Variants in HYCC2 observed in about 807,000 individuals in gnomAD.
HYCC2 encodes the protein hyccin 2.
chr2:201,028,880 A>T, the HYCC2 span, among the ~76,000 whole-genome samples: 2 of 152,218 alleles, frequency 1.3e-5, no homozygotes, highest in East Asian at 3.8e-4. Context: ...AACCTAGGCA[A>T]TACCATTCAG....
the HYCC2 span, among the ~76,000 whole-genome samples, chr2:201,035,730 G>A: frequency 6.6e-6 from 1 of 152,112 alleles, no homozygotes; most frequent in Non-Finnish European, 1.5e-5. Flanking sequence ...CATCTTTGTG[G>A]TTTTATCTAC....
the HYCC2 span, among the ~76,000 whole-genome samples, chr2:201,036,876 G>C: frequency 6.6e-6 from 1 of 152,208 alleles, no homozygotes; most frequent in Non-Finnish European, 1.5e-5. Context: ...ATTCAACATA[G>C]TGTTGGAAGT....
the HYCC2 span, chr2:200,992,379 G>C: frequency 6.5e-7 from 1 of 1,533,806 alleles, no homozygotes. Context: ...CTATGAAGAA[G>C]CAGATCATTT....
the HYCC2 span, among the ~76,000 whole-genome samples, chr2:201,015,273 C>T: frequency 6.6e-6 from 1 of 152,264 alleles, no homozygotes; most frequent in African/African-American, 2.4e-5. Flanking sequence ...ACCTTGCTTC[C>T]TACAGTCTTT....
At chr2:201,037,483 T>C in the HYCC2 span, among the ~76,000 whole-genome samples, 1 of 152,170 alleles carries the variant, frequency 6.6e-6, no homozygotes, top group Non-Finnish European at 1.5e-5. Flanking sequence ...ACTACCTGAC[T>C]TCAAACTATA....
At chr2:201,022,632 G>A in the HYCC2 span, 2 of 423,708 alleles carry the variant, frequency 4.7e-6, no homozygotes, top group Non-Finnish European at 8.4e-6. Context: ...CACTCAACAG[G>A]AAAAAATTTG....
the HYCC2 span, chr2:201,067,101 G>T: frequency 3.8e-6 from 1 of 263,306 alleles, no homozygotes; most frequent in South Asian, 4.9e-5. Context: ...TCAAGACCCT[G>T]ATCAGACCTG....
chr2:201,068,259 C>T, the HYCC2 span, among the ~76,000 whole-genome samples: 138 of 151,920 alleles, frequency 9.1e-4, no homozygotes, highest in African/African-American at 3.2e-3. Context: ...TGCACTCCAG[C>T]CAGGGCAACA....
the HYCC2 span, among the ~76,000 whole-genome samples, chr2:201,023,283 A>T: frequency 6.6e-6 from 1 of 151,896 alleles, no homozygotes; most frequent in Non-Finnish European, 1.5e-5. Flanking sequence ...TGGGAGGTGG[A>T]GGTTGCAGTG....
chr2:201,004,613 T>A, the HYCC2 span, among the ~76,000 whole-genome samples: 2 of 152,186 alleles, frequency 1.3e-5, no homozygotes, highest in Non-Finnish European at 2.9e-5. Flanking sequence ...AGGTTTTGCT[T>A]ATCAGATTGT....
At chr2:201,055,955 G>A in the HYCC2 span, among the ~76,000 whole-genome samples, 3 of 152,134 alleles carry the variant, frequency 2.0e-5, no homozygotes, top group South Asian at 2.1e-4. Flanking sequence ...TTGGGAGGCC[G>A]AGGCGGGTGG....
chr2:201,071,243 T>C, the HYCC2 span, among the ~76,000 whole-genome samples: 23 of 152,284 alleles, frequency 1.5e-4, 1 homozygote, highest in African/African-American at 5.3e-4. Context: ...CTTAACTGTC[T>C]TCAATGCCGT....
At chr2:201,031,249 C>A in the HYCC2 span, among the ~76,000 whole-genome samples, 1 of 152,020 alleles carries the variant, frequency 6.6e-6, no homozygotes, top group East Asian at 1.9e-4. Flanking sequence ...AATATAAAAC[C>A]ATCAATTTGC....
chr2:200,984,153 C>T, the HYCC2 span, among the ~76,000 whole-genome samples: 1 of 152,152 alleles, frequency 6.6e-6, no homozygotes, highest in Non-Finnish European at 1.5e-5. Context: ...GATCCTCCCA[C>T]CTCAGCCTCT....
chr2:201,042,877 G>GC, the HYCC2 span, among the ~76,000 whole-genome samples: 1 of 148,504 alleles, frequency 6.7e-6, no homozygotes, highest in Admixed American at 6.7e-5. Flanking sequence ...CTGCCCGGCC[G>GC]CCCCGTCTGG....
the HYCC2 span, among the ~76,000 whole-genome samples, chr2:201,009,997 G>A: frequency 2.6e-5 from 4 of 151,608 alleles, no homozygotes; most frequent in Admixed American, 1.3e-4. Flanking sequence ...CCAGCTACTC[G>A]GAAGGCTGAG....
the HYCC2 span, among the ~76,000 whole-genome samples, chr2:200,990,836 G>T: frequency 6.6e-6 from 1 of 152,114 alleles, no homozygotes; most frequent in African/African-American, 2.4e-5. Flanking sequence ...CTCCCGAAGT[G>T]CTGGGTTACA....
chr2:201,066,463 TAA>T, the HYCC2 span, among the ~76,000 whole-genome samples: 1 of 152,278 alleles, frequency 6.6e-6, no homozygotes, highest in African/African-American at 2.4e-5. Flanking sequence ...TTTTTTCATT[TAA>T]AAAGTATAAA....
chr2:200,984,052 T>C, the HYCC2 span, among the ~76,000 whole-genome samples: 9 of 152,204 alleles, frequency 5.9e-5, no homozygotes, highest in Admixed American at 5.9e-4. Context: ...TTTATTATTT[T>C]TTTTTGAGAC....
Sources: allele counts gnomAD v4.1 joint callset (sites outside exome capture counted in the v4.1 genomes callset), GRCh38; gene constraint gnomAD v4.1.1; transcripts MANE v1.5; gene names NCBI Gene and HGNC (gene_info 2026-07-23, HGNC 2026-07-21).